ZNF367: variants seen among roughly 807,000 people sequenced by gnomAD.
ZNF367 encodes the protein C2H2 zinc finger protein ZFF29.
In ZNF367, 11 loss-of-function variants were observed where a neutral mutation model predicts 31.8. That is an observed-to-expected ratio of 0.35 (90% CI 0.22 to 0.57). The LOEUF (loss-of-function observed/expected upper bound fraction) is 0.57, where lower values mean the gene tolerates loss of function less well. ZNF367 is among the 20% of genes least tolerant of loss of function. The pLI is 0.85. For missense variants in ZNF367, 353 were observed against 484.1 expected (o/e 0.73, Z 2.54); for synonymous variants, 199 against 202.4 (o/e 0.98, Z 0.14).
chr9:96,418,034 G>A lies in ZNF367; in HGVS notation c.-2C>T. On this transcript the variant is annotated 5_prime_UTR_variant, in exon 1 of 5. Transcript: ENST00000375256. ...GGGCGCCTCGAAGCCCCGGATCATCGCCCGGCCCGACCCCCAGCTCCGGCG... is the reference window on the plus strand; with the variant it reads ...GGGCGCCTCGAAGCCCCGGATCATCACCCGGCCCGACCCCCAGCTCCGGCG... The A allele has an allele frequency of 7.3e-7, 1 of 1,366,136 alleles. No homozygotes were observed. Among genetic ancestry groups the A allele is most frequent in the Non-Finnish European group, 9.4e-7 (1 of 1,066,086 alleles). The allele number at this position is 1,366,136 out of a possible 1,614,324, so 84.6% of individuals were successfully genotyped here. A position where few individuals can be genotyped will look rare whatever the true frequency, so the allele number is the denominator to read the frequency against.
intron 1 of ZNF367, among the ~76,000 whole-genome samples, chr9:96,415,479 A>T (rs111315159): frequency 0.11 from 4,099 of 37,668 alleles, 90 homozygotes; most frequent in Middle Eastern, 0.17. Context: ...TAGTTTCTTC[A>T]TTTTTTTTTT....
chr9:96,390,611 C>G (rs915625291), intron 4 of ZNF367, among the ~76,000 whole-genome samples: 2 of 152,046 alleles, frequency 1.3e-5, no homozygotes, highest in Admixed American at 6.6e-5. Flanking sequence ...AGGCGAGGTG[C>G]GGTGGCTCAT....
Position 96,417,313 on chromosome 9 carries a change from A to C in ZNF367, c.420+300T>G, listed in dbSNP as rs1234080982. On this transcript the variant is annotated intron_variant, in intron 1 of 4. Transcript: ENST00000375256. This position sits in a 1 kb window ranked among gnomAD's most constrained non-coding sequence, Gnocchi z 5.0. ...TTCCTCTCGGAACTGAGGACTCGGC[A>C]GCCCGCCGGGAGGATGTCAGTGGCC... Among the ~76,000 whole-genome samples the C allele has an allele frequency of 6.6e-6, 1 of 152,066 alleles. No individual in the cohort carries two copies. Among genetic ancestry groups the C allele is most frequent in the East Asian group, 1.9e-4 (1 of 5,162 alleles).
At chr9:96,400,294 G>A (rs947873718) in intron 1 of ZNF367, among the ~76,000 whole-genome samples, 1 of 150,260 alleles carries the variant, frequency 6.7e-6, no homozygotes, top group African/African-American at 2.5e-5. Context: ...TTGGGAGGCT[G>A]AGGTGGGAGA....
chr9:96,403,471 G>C (rs935877378), intron 1 of ZNF367, among the ~76,000 whole-genome samples: 5 of 151,968 alleles, frequency 3.3e-5, no homozygotes, highest in African/African-American at 1.2e-4. Flanking sequence ...AAATTCCAGG[G>C]GTTTTTTTTC....
At chr9:96,388,497 A>G (rs7861768) in intron 4 of ZNF367, 38 bp from the exon 5 acceptor site, 264,558 of 1,555,408 alleles carry the variant, frequency 0.17, 27,546 homozygotes, top group African/African-American at 0.49. Context: ...CATGGCAGAC[A>G]TGAAATTTCC....
At position 96,413,891 on chromosome 9, in the gene ZNF367, ATTG is replaced by A. The variant is rs538817000; in HGVS notation, c.420+3719_420+3721del. Among the ~76,000 whole-genome samples the A allele has an allele frequency of 1.1e-4, 17 of 152,232 alleles. No individual in the cohort carries two copies. In the South Asian group the frequency reaches 1.9e-3, roughly 17 times the overall value. On this transcript the variant is annotated intron_variant, in intron 1 of 4. Coordinates refer to ENST00000375256, the MANE Select transcript of ZNF367 (RefSeq NM_153695.4). Reference sequence around the variant, plus strand: ...GAATAGACAGTAAATGAACGCAAATATTGTTCTCAAACCCACAGCTGTTAGTGC... The same window carrying A: ...GAATAGACAGTAAATGAACGCAAATATTCTCAAACCCACAGCTGTTAGTGC...
intron 4 of ZNF367, among the ~76,000 whole-genome samples, chr9:96,390,141 G>C (rs1564139101): frequency 6.6e-6 from 1 of 151,326 alleles, no homozygotes; most frequent in Non-Finnish European, 1.5e-5. Context: ...CCTGACCTCA[G>C]GTGATCCACC....
chr9:96,397,326 T>TG (rs1051589985), intron 2 of ZNF367, among the ~76,000 whole-genome samples: 15 of 152,120 alleles, frequency 9.9e-5, no homozygotes. Context: ...TTTTTTTTTT[T>TG]GGCTCTCTAA....
chr9:96,401,384 G>A (rs930931047), intron 1 of ZNF367, among the ~76,000 whole-genome samples: 3 of 151,718 alleles, frequency 2.0e-5, no homozygotes, highest in Non-Finnish European at 4.4e-5. Flanking sequence ...AAATTAGGCC[G>A]GGCACGTGGC....
At chr9:96,406,909 G>C (rs931332659) in intron 1 of ZNF367, among the ~76,000 whole-genome samples, 9 of 149,164 alleles carry the variant, frequency 6.0e-5, no homozygotes, top group African/African-American at 2.2e-4. Flanking sequence ...GGCTGAGGCA[G>C]GAGAATGGCG....
chr9:96,413,588 C>T (rs1307434622), intron 1 of ZNF367, among the ~76,000 whole-genome samples: 1 of 152,108 alleles, frequency 6.6e-6, no homozygotes, highest in African/African-American at 2.4e-5. Context: ...TAGTAGAGGG[C>T]ACAGGGACAA....
At chr9:96,411,033 C>CAA (rs113321594) in intron 1 of ZNF367, among the ~76,000 whole-genome samples, 11 of 108,340 alleles carry the variant, frequency 1.0e-4, no homozygotes, top group African/African-American at 2.0e-4. Context: ...TCCATCTCTA[C>CAA]AAAAAAAAAA....
chr9:96,412,430 G>A (rs1831762669), intron 1 of ZNF367, among the ~76,000 whole-genome samples: 1 of 152,150 alleles, frequency 6.6e-6, no homozygotes, highest in African/African-American at 2.4e-5. Flanking sequence ...TTCAAATAAA[G>A]GGAACAAGCA....
rs1213591707 is a variant in ZNF367, at chr9:96,417,476, G to C, written c.420+137C>G. On this transcript the variant is annotated intron_variant, in intron 1 of 4. Transcript: ENST00000375256. This position sits in a 1 kb window ranked among gnomAD's most constrained non-coding sequence, Gnocchi z 5.0. The stretch of plus-strand genomic sequence containing the variant: ...GGGCCGGTTTTTGGCGCGCGGCAGT[G>C]ACGTCAGCATCCTGTCAGCCGCAGC... The C allele has an allele frequency of 3.8e-6, 1 of 262,092 alleles. No individual in the cohort carries two copies. The highest frequency in any genetic ancestry group is 7.2e-6 in the Non-Finnish European group (1 of 139,094). 16.2% of individuals were successfully genotyped at this position (262,092 alleles called of 1,614,324 possible).
At chr9:96,395,578 G>A (rs910117534) in intron 2 of ZNF367, among the ~76,000 whole-genome samples, 1 of 152,128 alleles carries the variant, frequency 6.6e-6, no homozygotes, top group Non-Finnish European at 1.5e-5. Flanking sequence ...CAGCCAGGAG[G>A]CAGTTCCTCA....
chr9:96,395,116 T>C (rs1474253718), intron 2 of ZNF367, among the ~76,000 whole-genome samples, 174 bp from the exon 3 acceptor site: 1 of 152,178 alleles, frequency 6.6e-6, no homozygotes, highest in African/African-American at 2.4e-5. Flanking sequence ...GTGGCATCAA[T>C]GACTATCTGC....
intron 1 of ZNF367, among the ~76,000 whole-genome samples, chr9:96,412,181 T>C (rs1185638465): frequency 6.6e-6 from 1 of 152,328 alleles, no homozygotes; most frequent in Middle Eastern, 3.4e-3. Flanking sequence ...TTCGGACAAT[T>C]ACAGAGTGTT....
chr9:96,404,560 T>C (rs1401147962), intron 1 of ZNF367, among the ~76,000 whole-genome samples: 1 of 150,610 alleles, frequency 6.6e-6, no homozygotes, highest in Non-Finnish European at 1.5e-5. Flanking sequence ...GCCACTGCAC[T>C]CCAGCCTGGG....
Sources: gnomAD v4.1 joint callset for allele counts (sites outside exome capture counted in the v4.1 genomes callset) on GRCh38, gnomAD v4.1.1 for gene constraint, Gnocchi (gnomAD v3.1) non-coding constraint, MANE v1.5 for transcripts, NCBI Gene and HGNC (gene_info 2026-07-23, HGNC 2026-07-21) for gene names.